Variants in RARS2 observed in about 807,000 individuals in gnomAD.
RARS2 encodes the protein arginyl-tRNA synthetase 2, mitochondrial.
In RARS2, 67 loss-of-function variants were observed where a neutral mutation model predicts 88.5. That is an observed-to-expected ratio of 0.76 (90% CI 0.62 to 0.93). The LOEUF is 0.93. RARS2 is among the 40% of genes least tolerant of loss of function. The pLI, the probability that RARS2 is intolerant of heterozygous loss-of-function variation, is 0.00. For missense variants in RARS2, 664 were observed against 684.2 expected (o/e 0.97, Z 0.33); for synonymous variants, 239 against 230.3 (o/e 1.04, Z -0.34).
intron 18 of RARS2, among the ~76,000 whole-genome samples, chr6:87,516,531 C>T (rs1193971008): frequency 6.6e-6 from 1 of 152,190 alleles, no homozygotes; most frequent in African/African-American, 2.4e-5. Context: ...GGCTGGTTGC[C>T]CTAACACCAT....
intron 5 of RARS2, among the ~76,000 whole-genome samples, chr6:87,549,625 C>T (rs1265316356): frequency 2.0e-5 from 3 of 151,708 alleles, no homozygotes; most frequent in African/African-American, 7.3e-5. Context: ...CTCACCACTC[C>T]AAATTCCCAA....
At chr6:87,520,926 G>A (rs1370330065) in intron 12 of RARS2, among the ~76,000 whole-genome samples, 1 of 152,188 alleles carries the variant, frequency 6.6e-6, no homozygotes, top group Non-Finnish European at 1.5e-5. Context: ...TGAATGTGGT[G>A]ATGGTTACAT....
chr6:87,578,974 A>AAT, intron 1 of RARS2, among the ~76,000 whole-genome samples: 1 of 151,200 alleles, frequency 6.6e-6, no homozygotes, highest in Admixed American at 6.6e-5. Context: ...AAAAAAAAAA[A>AAT]AAAAAAAAAA....
chr6:87,580,218 T>TGAGCC (rs1773060293), intron 1 of RARS2, among the ~76,000 whole-genome samples: 2 of 152,136 alleles, frequency 1.3e-5, no homozygotes, highest in Non-Finnish European at 2.9e-5. Context: ...TAGGGCTGTT[T>TGAGCC]CACCTGGCAT....
intron 1 of RARS2, among the ~76,000 whole-genome samples, chr6:87,586,748 C>T (rs557749842): frequency 4.6e-5 from 7 of 152,212 alleles, no homozygotes; most frequent in African/African-American, 1.4e-4. Context: ...GATGCTCATT[C>T]GCAAAGGTAT....
intron 4 of RARS2, among the ~76,000 whole-genome samples, chr6:87,558,613 C>A (rs1027022558): frequency 6.6e-6 from 1 of 152,182 alleles, no homozygotes; most frequent in Non-Finnish European, 1.5e-5. Flanking sequence ...CTGAAAAATT[C>A]TTATCACTCA....
Position 87,568,018 on chromosome 6 carries a change from G to A in RARS2, c.110+1499C>T, listed in dbSNP as rs1051809332. Among the ~76,000 whole-genome samples, 14 of 152,230 alleles carry A rather than the reference G, an allele frequency of 9.2e-5. No homozygotes were observed. The East Asian group carries it at 2.7e-3, about 29-fold the overall frequency. On this transcript the variant is annotated intron_variant, in intron 2 of 19. Transcript: ENST00000369536. ...CATCTCCTGACCTCACGATCTGCCT[G>A]CCTCGGCCTCCCAAAGTGCTGGGAT...
In RARS2 at chr6:87,564,160, A is replaced by C; in HGVS notation, c.183T>G (p.Ile61Met). Residue 61 changes from isoleucine to methionine, a missense_variant, in exon 3 of 20, where the codon ATT becomes ATG. By Grantham distance (10) the Ile-to-Met change is conservative (BLOSUM62 1). Coordinates refer to ENST00000369536, the MANE Select transcript of RARS2 (RefSeq NM_020320.5). ...EKDNDHSRPD[I>M]QVQAKRLAEK... is the part of the protein sequence containing the mutation. ...CTGCTAGTCTCTTGGCTTGAACTTG[A>C]ATATCTGGTCTTGAATGGTCATTGT... 1.2e-6 allele frequency: 2 copies of C among 1,613,178 alleles called. No individual in the cohort carries two copies. Among genetic ancestry groups the C allele is most frequent in the Non-Finnish European group, 1.7e-6 (2 of 1,179,158 alleles).
intron 4 of RARS2, among the ~76,000 whole-genome samples, chr6:87,556,266 A>G (rs1785848565): frequency 6.6e-6 from 1 of 152,170 alleles, no homozygotes; most frequent in South Asian, 2.1e-4. Flanking sequence ...TTGTTTACTC[A>G]TATTAGTTGG....
At chr6:87,545,044 A>G (rs1782183864) in intron 7 of RARS2, among the ~76,000 whole-genome samples, 1 of 152,150 alleles carries the variant, frequency 6.6e-6, no homozygotes, top group African/African-American at 2.4e-5. Context: ...CATTTAACTA[A>G]TAAAAGTAGG....
chr6:87,546,478 T>C (rs906933974), intron 6 of RARS2, among the ~76,000 whole-genome samples: 6 of 152,050 alleles, frequency 3.9e-5, no homozygotes, highest in Admixed American at 6.6e-5. Context: ...ACCAAAGAAA[T>C]TGAAAGTATA....
chr6:87,533,121 T>C (rs770665314), intron 8 of RARS2, among the ~76,000 whole-genome samples: 43 of 152,160 alleles, frequency 2.8e-4, no homozygotes, highest in Non-Finnish European at 5.3e-4. Flanking sequence ...TCATAAAGCC[T>C]TTCTTCAGGG....
At chr6:87,532,500 A>G (rs1777838162) in intron 8 of RARS2, among the ~76,000 whole-genome samples, 1 of 152,236 alleles carries the variant, frequency 6.6e-6, no homozygotes, top group African/African-American at 2.4e-5. Context: ...GACACAGGGT[A>G]TCTAATGAAC....
intron 2 of RARS2, among the ~76,000 whole-genome samples, chr6:87,565,222 T>C (rs1388149080): frequency 6.6e-6 from 1 of 152,116 alleles, no homozygotes; most frequent in Non-Finnish European, 1.5e-5. Flanking sequence ...CTACTCCAAA[T>C]ACATGCTTCT....
intron 4 of RARS2, among the ~76,000 whole-genome samples, chr6:87,560,127 A>G (rs190173626): frequency 1.3e-5 from 2 of 152,366 alleles, no homozygotes; most frequent in African/African-American, 4.8e-5. Context: ...ACACGACTAT[A>G]TAACAAAACA....
At position 87,518,934 on chromosome 6, in the gene RARS2, G is replaced by A. The variant is rs142443912; in HGVS notation, c.1238-43C>T. On this transcript the variant is annotated intron_variant, in intron 14 of 19. Coordinates refer to ENST00000369536, the MANE Select transcript of RARS2 (RefSeq NM_020320.5). Reference sequence around the variant, plus strand: ...AGCTATCTTTAGTCTACATGACACTGTGCCAATCATGGATCCAAGTGAAGG... The same window carrying A: ...AGCTATCTTTAGTCTACATGACACTATGCCAATCATGGATCCAAGTGAAGG... 5.3e-4 allele frequency: 837 copies of A among 1,582,620 alleles called. 5 individuals carry two copies. The African/African-American group carries it at 9.3e-3, about 18-fold the overall frequency.
chr6:87,545,187 G>A (rs568797322), intron 7 of RARS2, among the ~76,000 whole-genome samples: 2 of 152,160 alleles, frequency 1.3e-5, no homozygotes, highest in African/African-American at 2.4e-5. Context: ...GGGCTAACAC[G>A]ATCCTCTTAC....
At chr6:87,520,147 T>G in intron 13 of RARS2, 33 bp downstream of exon 13, 1 of 1,573,818 alleles carries the variant, frequency 6.4e-7, no homozygotes, top group Non-Finnish European at 8.7e-7. Flanking sequence ...CAGCTGACCC[T>G]GCACAGACAA....
rs1210109506 is a variant in RARS2, at chr6:87,519,208, G to GTGTGTGTGTATA, written c.1238-318_1238-317insTATACACACACA. ...TATGTGTGTGTGTGTGTGTGTGTGT[G>GTGTGTGTGTATA]TATATATATATATCTATATATATCT... On this transcript the variant is annotated intron_variant, in intron 14 of 19. Coordinates refer to ENST00000369536, the MANE Select transcript of RARS2 (RefSeq NM_020320.5). The GTGTGTGTGTATA allele has an allele frequency of 1.3e-3, 338 of 257,712 alleles. 2 individuals carry two copies. Among genetic ancestry groups the GTGTGTGTGTATA allele is most frequent in the African/African-American group, 7.7e-3 (324 of 41,882 alleles). The allele number at this position is 257,712 out of a possible 1,614,324, so 16.0% of individuals were successfully genotyped here.
Sources: gnomAD v4.1 joint callset for allele counts (sites outside exome capture counted in the v4.1 genomes callset) on GRCh38, gnomAD v4.1.1 for gene constraint, MANE v1.5 for transcripts, NCBI Gene and HGNC (gene_info 2026-07-23, HGNC 2026-07-21) for gene names.